ADNP: variants seen among roughly 807,000 people sequenced by gnomAD.
ADNP encodes activity-dependent neuroprotector homeobox protein.
A neutral mutation model predicts 84.9 loss-of-function variants in ADNP; 4 were observed. The ratio of observed to expected loss-of-function variants is 0.05; its 90% CI spans 0.02 to 0.11. The LOEUF (loss-of-function observed/expected upper bound fraction) is 0.11. Among genes scored for constraint, ADNP ranks in the 10% least tolerant of loss-of-function variants. The pLI is 1.00. For missense variants in ADNP, 1,132 were observed against 1,326.0 expected (o/e 0.85, Z 2.27); for synonymous variants, 554 against 468.1 (o/e 1.18, Z -2.37).
intron 2 of ADNP, among the ~76,000 whole-genome samples, chr20:50,922,925 C>T (rs527260938): frequency 6.1e-4 from 93 of 152,108 alleles, no homozygotes; most frequent in South Asian, 5.4e-3. Flanking sequence ...ACCTTACTTC[C>T]CTTCCCCGGG....
chr20:50,921,890 A>G (rs1467634443), intron 2 of ADNP, among the ~76,000 whole-genome samples: 4 of 152,192 alleles, frequency 2.6e-5, no homozygotes, highest in African/African-American at 9.7e-5. Context: ...AGATTTAGGG[A>G]GAGTGTGAGG....
intron 3 of ADNP, 197 bp downstream of exon 3, chr20:50,904,565 ACTCT>A (rs1600958172): frequency 6.6e-6 from 1 of 152,244 alleles, no homozygotes; most frequent in Non-Finnish European, 1.5e-5. Flanking sequence ...CAAAATAAGT[ACTCT>A]CTGATTTTCC....
At chr20:50,912,770 T>C (rs1983163188) in intron 2 of ADNP, among the ~76,000 whole-genome samples, 1 of 152,300 alleles carries the variant, frequency 6.6e-6, no homozygotes, top group East Asian at 1.9e-4. Context: ...TATGAAGTGA[T>C]AGGGAATCCA....
chr20:50,913,733 C>T (rs944907198), intron 2 of ADNP: 8 of 341,716 alleles, frequency 2.3e-5, no homozygotes, highest in South Asian at 7.4e-5. Context: ...GCAAAACAGA[C>T]GGGTGTGTGT....
rs779223805 is a variant in ADNP, at chr20:50,903,893, A to G, written c.104T>C (p.Ile35Thr). Residue 35 changes from isoleucine (I) to threonine (T), a missense_variant, in exon 4 of 6, where the codon ATA (isoleucine) becomes ACA (threonine). Ile to Thr is a moderately conservative substitution (Grantham distance 89). Around this residue, in one of 10 missense-constraint regions of ADNP, gnomAD observed 56 missense variants for 94.6 expected, o/e 0.59. Coordinates refer to ENST00000621696, the MANE Select transcript of ADNP (RefSeq NM_001282531.3). ...DIGLEYCKEHIEDFKQFEPND... is the reference protein window; with the variant it reads ...DIGLEYCKEHTEDFKQFEPND... The stretch of plus-strand genomic sequence containing the variant: ...TAAAAATGACATGCTACTTACTTCT[A>G]TATGTTCTTTACAGTATTCCAACCC... 50 of 1,609,346 alleles carry G rather than the reference A, an allele frequency of 3.1e-5. 1 individual carries two copies. The Admixed American group carries it at 4.7e-4, about 15-fold the overall frequency.
intron 2 of ADNP, among the ~76,000 whole-genome samples, chr20:50,917,969 T>C (rs1001575791): frequency 2.0e-5 from 3 of 152,190 alleles, no homozygotes; most frequent in Admixed American, 6.5e-5. Context: ...AAATATTGTA[T>C]GATTCCACTC....
chr20:50,904,042 C>G (rs2122841488), intron 3 of ADNP, 41 bp from the exon 4 acceptor site: 1 of 1,442,062 alleles, frequency 6.9e-7, no homozygotes, highest in South Asian at 1.2e-5. Context: ...AAAACACGTA[C>G]AACTTGTAAT....
At chr20:50,913,852 C>A in intron 2 of ADNP, 1 of 562,082 alleles carries the variant, frequency 1.8e-6, no homozygotes. Context: ...GACAGAAGTG[C>A]ATTGCATTGG....
At chr20:50,898,919 T>C (rs1465487268) in intron 5 of ADNP, among the ~76,000 whole-genome samples, 4 of 152,220 alleles carry the variant, frequency 2.6e-5, no homozygotes, top group Non-Finnish European at 4.4e-5. Flanking sequence ...CATGTGCTGA[T>C]GTTTTCTGTC....
In ADNP at chr20:50,892,084, T is replaced by C; in HGVS notation, c.2630A>G (p.Asp877Gly). 1 of 1,614,170 alleles carries C rather than the reference T, an allele frequency of 6.2e-7. No homozygotes were observed. The highest frequency in any genetic ancestry group is 8.5e-7 in the Non-Finnish European group (1 of 1,180,038). The change falls in exon 6 of 6, where the codon GAC (aspartate) becomes GGC (glycine). Residue 877 changes from aspartate to glycine, a missense_variant. Asp to Gly is a moderately conservative substitution (Grantham distance 94, BLOSUM62 -1). Transcript: ENST00000621696. ...NLGKEDDSSSDSFENLEEESN... is the reference protein window; with the variant it reads ...NLGKEDDSSSGSFENLEEESN... Reference sequence around the variant, plus strand: ...TTCTTCTTCCAAATTTTCAAAACTGTCTGAGGAACTGTCATCTTCCTTCCC... The same window carrying C: ...TTCTTCTTCCAAATTTTCAAAACTGCCTGAGGAACTGTCATCTTCCTTCCC...
chr20:50,891,540 AGAT>A lies in ADNP; in HGVS notation c.3171_3173del (p.Leu1057_Ser1058delinsPhe). 1 of 1,612,052 alleles carries A rather than the reference AGAT, an allele frequency of 6.2e-7. No homozygotes were observed. The highest frequency in any genetic ancestry group is 8.5e-7 in the Non-Finnish European group (1 of 1,180,028). On this transcript the variant is annotated inframe_deletion, in exon 6 of 6. Transcript: ENST00000621696. ...TATTCTGCCACTCAATCTGGGGGTTAGATAAGCGCTCATCATTCTCAGATGCAT... is the reference window on the plus strand; with the variant it reads ...TATTCTGCCACTCAATCTGGGGGTTAAAGCGCTCATCATTCTCAGATGCAT...
At chr20:50,904,381 A>G (rs931481923) in intron 3 of ADNP, 12 of 168,612 alleles carry the variant, frequency 7.1e-5, no homozygotes, top group African/African-American at 1.9e-4. Flanking sequence ...ATGCCCAACT[A>G]ATTTTTAAAA....
chr20:50,926,562 T>C (rs1984302549), intron 2 of ADNP, among the ~76,000 whole-genome samples: 1 of 152,228 alleles, frequency 6.6e-6, no homozygotes, highest in African/African-American at 2.4e-5. Context: ...AGATGTATTG[T>C]CCCCAAACTA....
rs373391052 is a variant in ADNP, at chr20:50,892,524, T to C, written c.2190A>G (p.Arg730=). Residue 730 remains arginine, a synonymous_variant, in exon 6 of 6, where the codon CGA becomes CGG. Coordinates refer to ENST00000621696, the MANE Select transcript of ADNP (RefSeq NM_001282531.3). The stretch of plus-strand genomic sequence containing the variant: ...GTGAATCACTATCATCATCTAACTT[T>C]CGTTTTTTCAGTAAGGGAAATTCCA... ...EQMEFPLLKK[R]KLDDDSDSPS... The C allele has an allele frequency of 1.9e-6, 3 of 1,614,100 alleles. No homozygotes were observed. The highest frequency in any genetic ancestry group is 2.7e-5 in the African/African-American group (2 of 74,942).
At position 50,931,086 on chromosome 20, in the gene ADNP, CGGAG is replaced by C. The variant is rs1418403582; in HGVS notation, c.-529_-526del. The C allele has an allele frequency of 7.4e-5, 11 of 147,912 alleles. No homozygotes were observed. Among genetic ancestry groups the C allele is most frequent in the Middle Eastern group, 3.6e-3 (1 of 276 alleles). 9.2% of individuals were successfully genotyped at this position (147,912 alleles called of 1,614,324 possible). A position where few individuals can be genotyped will look rare whatever the true frequency, so the allele number is the denominator to read the frequency against. On this transcript the variant is annotated 5_prime_UTR_variant, in exon 1 of 6. Transcript: ENST00000621696. ...ACAAAGGAGGGGCGGAGGGAGGAGA[CGGAG>C]GGTGTGGGAGAGGCGGCTTCACCGG...
At chr20:50,925,291 C>CACACA (rs58814962) in intron 2 of ADNP, among the ~76,000 whole-genome samples, 1 of 150,112 alleles carries the variant, frequency 6.7e-6, no homozygotes. Context: ...CACACACACA[C>CACACA]TACATAATCA....
At chr20:50,905,595 G>C (rs1982396164) in intron 2 of ADNP, 1 of 152,116 alleles carries the variant, frequency 6.6e-6, no homozygotes, top group African/African-American at 2.4e-5. Flanking sequence ...CTCTAACTTA[G>C]AAGTCTCAAA....
Position 50,894,354 on chromosome 20 carries a change from A to G in ADNP, c.360T>C (p.Thr120=), listed in dbSNP as rs773874497. 4 of 1,613,988 alleles carry G rather than the reference A, an allele frequency of 2.5e-6. No homozygotes were observed. The highest frequency in any genetic ancestry group is 4.5e-5 in the East Asian group (2 of 44,878). ...PYCTFNADKK[T]LETHIKIFHA... is the part of the protein sequence containing the mutation. ...GAAATATTTTAATGTGTGTTTCCAAAGTCTTTTTGTCTGCATTGAAGGTAC... is the reference window on the plus strand; with the variant it reads ...GAAATATTTTAATGTGTGTTTCCAAGGTCTTTTTGTCTGCATTGAAGGTAC... Residue 120 remains threonine (T), a synonymous_variant, in exon 6 of 6, where the codon ACT becomes ACC. Coordinates refer to ENST00000621696, the MANE Select transcript of ADNP (RefSeq NM_001282531.3).
rs767616705 is a variant in ADNP, at chr20:50,891,390, C to T, written c.*15G>A. ...CCAGGCTGCAGCATGTCACCAACGC[C>T]AGGGAACCTGGCACTTAGGCCTGTT... On this transcript the variant is annotated 3_prime_UTR_variant, in exon 6 of 6. Transcript: ENST00000621696. The T allele has an allele frequency of 9.5e-6, 15 of 1,577,644 alleles. No homozygotes were observed. The highest frequency in any genetic ancestry group is 1.3e-5 in the Non-Finnish European group (15 of 1,165,412).
Sources: allele counts gnomAD v4.1 joint callset (sites outside exome capture counted in the v4.1 genomes callset), GRCh38; gene constraint gnomAD v4.1.1; regional missense constraint gnomAD v4.1.1; transcripts MANE v1.5; gene names NCBI Gene and HGNC (gene_info 2026-07-23, HGNC 2026-07-21).